Variants in C1QTNF3 observed in about 807,000 individuals in gnomAD.
C1QTNF3 encodes the protein complement C1q tumor necrosis factor-related protein 3.
A neutral mutation model predicts 32.6 loss-of-function variants in C1QTNF3; 26 were observed. The ratio of observed to expected loss-of-function variants is 0.80; its 90% CI spans 0.58 to 1.11. The LOEUF is 1.11. Ranked by LOEUF, C1QTNF3 falls within the 50% of genes least tolerant of loss-of-function variation. The pLI is 0.00. For missense variants in C1QTNF3, 362 were observed against 398.2 expected (o/e 0.91, Z 0.77); for synonymous variants, 155 against 146.0 (o/e 1.06, Z -0.44).
Position 34,018,076 on chromosome 5 carries a change from T to G in C1QTNF3, c.*2507A>C, listed in dbSNP as rs1017524581. Among the ~76,000 whole-genome samples the G allele has an allele frequency of 6.6e-5, 10 of 151,746 alleles. No individual in the cohort carries two copies. The highest frequency in any genetic ancestry group is 2.4e-4 in the African/African-American group (10 of 41,410). On this transcript the variant is annotated 3_prime_UTR_variant, in exon 6 of 6. Coordinates refer to ENST00000382065, the MANE Select transcript of C1QTNF3 (RefSeq NM_181435.6). ...ATACAAAAATATATAAAAAGCTAAT[T>G]TCAAATTATTTTATTACTATATTTA...
intron 5 of C1QTNF3, among the ~76,000 whole-genome samples, chr5:34,022,666 T>G (rs1156852525): frequency 6.6e-6 from 1 of 152,198 alleles, no homozygotes; most frequent in Non-Finnish European, 1.5e-5. Context: ...CCATTGGCAC[T>G]GCAATTCCAT....
the C1QTNF3 span, among the ~76,000 whole-genome samples, chr5:34,203,723 G>A: frequency 6.0e-5 from 9 of 150,528 alleles, no homozygotes; most frequent in South Asian, 2.1e-4. Context: ...TTGATGGAAC[G>A]AACTAAAAAA....
chr5:34,178,456 T>A, the C1QTNF3 span, among the ~76,000 whole-genome samples: 15 of 141,510 alleles, frequency 1.1e-4, no homozygotes, highest in East Asian at 3.0e-3. Flanking sequence ...TCCCTGTGTG[T>A]CAACTCCAAC....
chr5:34,214,710 G>T, the C1QTNF3 span, among the ~76,000 whole-genome samples: 1 of 151,958 alleles, frequency 6.6e-6, no homozygotes, highest in Non-Finnish European at 1.5e-5. Context: ...TTTTGTCAAA[G>T]AGCTATCTCC....
chr5:34,166,368 G>C, the C1QTNF3 span: 2 of 152,036 alleles, frequency 1.3e-5, no homozygotes, highest in Admixed American at 6.6e-5. Context: ...ACCGAAAAAA[G>C]GATGTTTTAG....
chr5:34,025,477 A>G (rs934493171), intron 4 of C1QTNF3, among the ~76,000 whole-genome samples: 2 of 152,242 alleles, frequency 1.3e-5, no homozygotes, highest in Non-Finnish European at 2.9e-5. Flanking sequence ...TTATACCCAC[A>G]TGTGGCTTTC....
chr5:34,100,469 AAC>A, the C1QTNF3 span, among the ~76,000 whole-genome samples: 1 of 151,962 alleles, frequency 6.6e-6, no homozygotes, highest in African/African-American at 2.4e-5. Context: ...CATATATTAA[AAC>A]AGTGTTAATA....
At chr5:34,024,033 T>C (rs762193509) in intron 4 of C1QTNF3, 25 bp from the exon 5 acceptor site, 2 of 1,583,534 alleles carry the variant, frequency 1.3e-6, no homozygotes, top group Non-Finnish European at 8.7e-7. Context: ...TATATATCCA[T>C]GTTGATATTA....
the C1QTNF3 span, chr5:34,175,821 C>A: frequency 1.4e-5 from 11 of 773,914 alleles, no homozygotes; most frequent in Non-Finnish European, 2.2e-5. Context: ...CTGCCACTTA[C>A]ACTGGTTAGT....
rs1281503752 is a variant in C1QTNF3, at chr5:34,043,034, C to T, written c.92G>A (p.Gly31Glu). The T allele has an allele frequency of 1.2e-6, 2 of 1,614,038 alleles. No homozygotes were observed. Among genetic ancestry groups the T allele is most frequent in the Admixed American group, 1.7e-5 (1 of 60,002 alleles). ...TCTTGCCACCACTTTATTAGTTCTT[C>T]CGCTCACCTCCATGTATTCATCTTG... is the stretch of plus-strand genomic sequence containing the variant. ...LCQDEYMEVS[G>E]RTNKVVARIV... Residue 31 changes from glycine to glutamate, a missense_variant, in exon 1 of 6, where the codon GGA (glycine) becomes GAA (glutamate). Gly to Glu is a moderately conservative substitution (Grantham distance 98, BLOSUM62 -2). Transcript: ENST00000382065.
At chr5:34,064,722 C>T in the C1QTNF3 span, among the ~76,000 whole-genome samples, 46 of 152,258 alleles carry the variant, frequency 3.0e-4, no homozygotes, top group Non-Finnish European at 4.6e-4. Context: ...CAAACTGTAA[C>T]AAACACAGAC....
the C1QTNF3 span, among the ~76,000 whole-genome samples, chr5:34,061,175 C>G: frequency 6.6e-6 from 1 of 152,190 alleles, no homozygotes; most frequent in Admixed American, 6.5e-5. Flanking sequence ...CCAAAATGCT[C>G]TCTTTTGACT....
At chr5:34,140,285 C>T in the C1QTNF3 span, among the ~76,000 whole-genome samples, 3 of 152,156 alleles carry the variant, frequency 2.0e-5, no homozygotes, top group East Asian at 5.8e-4. Context: ...GCGTGTGCTT[C>T]CAGTCTGAGC....
chr5:34,109,448 T>C, the C1QTNF3 span, among the ~76,000 whole-genome samples: 1 of 152,164 alleles, frequency 6.6e-6, no homozygotes, highest in Non-Finnish European at 1.5e-5. Context: ...AGTCAAAGCA[T>C]ATTTTCTAAG....
At chr5:34,052,527 G>A in the C1QTNF3 span, among the ~76,000 whole-genome samples, 4 of 152,234 alleles carry the variant, frequency 2.6e-5, no homozygotes, top group South Asian at 8.3e-4. Flanking sequence ...TTTAGCTGCA[G>A]ACACACCTGA....
chr5:34,241,181 T>C, the C1QTNF3 span, among the ~76,000 whole-genome samples: 3 of 151,920 alleles, frequency 2.0e-5, no homozygotes, highest in Non-Finnish European at 2.9e-5. Context: ...GCCAATATAA[T>C]ACTCAATGGG....
At chr5:34,175,888 G>A in the C1QTNF3 span, 1 of 808,186 alleles carries the variant, frequency 1.2e-6, no homozygotes, top group Non-Finnish European at 2.2e-6. Context: ...CTGCGTTTTT[G>A]ATTGAGACCC....
chr5:34,070,796 A>G, the C1QTNF3 span, among the ~76,000 whole-genome samples: 3 of 152,156 alleles, frequency 2.0e-5, no homozygotes, highest in Non-Finnish European at 4.4e-5. Context: ...AAATAACCTC[A>G]GTCCTTCATG....
At chr5:34,194,667 T>G in the C1QTNF3 span, among the ~76,000 whole-genome samples, 1 of 152,222 alleles carries the variant, frequency 6.6e-6, no homozygotes, top group Non-Finnish European at 1.5e-5. Context: ...ATATTTTGTT[T>G]ATAGTCAGTC....
Sources: gnomAD v4.1 joint callset for allele counts (sites outside exome capture counted in the v4.1 genomes callset) on GRCh38, gnomAD v4.1.1 for gene constraint, MANE v1.5 for transcripts, NCBI Gene and HGNC (gene_info 2026-07-23, HGNC 2026-07-21) for gene names.